The following TRABD2B variants were observed in gnomAD, a reference collection of about 807,000 sequenced individuals.
TRABD2B encodes metalloprotease TIKI2.
TRABD2B carries 14 observed loss-of-function variants against 40.1 expected under a neutral mutation model. The observed-to-expected ratio is 0.35, with a 90% confidence interval of 0.23 to 0.55. The LOEUF (loss-of-function observed/expected upper bound fraction) is 0.55. Among genes scored for constraint, TRABD2B ranks in the 20% least tolerant of loss-of-function variants. The pLI is 0.90. For missense variants in TRABD2B, 541 were observed against 648.6 expected, an observed-to-expected ratio of 0.83 and a Z score of 1.80; for synonymous variants, 263 against 277.0, an observed-to-expected ratio of 0.95 and a Z score of 0.50.
At chr1:47,817,038 A>G (rs1388193461) in intron 2 of TRABD2B, among the ~76,000 whole-genome samples, 1 of 152,114 alleles carries the variant, frequency 6.6e-6, no homozygotes, top group African/African-American at 2.4e-5. Flanking sequence ...CCCAGTACCT[A>G]GTCCAGGACC....
At chr1:47,987,121 C>T (rs765007323) in intron 2 of TRABD2B, among the ~76,000 whole-genome samples, 10 of 152,156 alleles carry the variant, frequency 6.6e-5, no homozygotes, top group Non-Finnish European at 1.2e-4. Flanking sequence ...AACAAAGGCA[C>T]GCTCCCATTT....
chr1:47,932,379 A>G (rs922167221), intron 2 of TRABD2B, among the ~76,000 whole-genome samples: 3 of 152,188 alleles, frequency 2.0e-5, no homozygotes, highest in Non-Finnish European at 4.4e-5. Context: ...TGAGGATGAA[A>G]TAGTGATAAG....
intron 3 of TRABD2B, among the ~76,000 whole-genome samples, chr1:47,794,975 C>T (rs1368499842): frequency 6.6e-6 from 1 of 152,056 alleles, no homozygotes. Flanking sequence ...CACTATGTTG[C>T]CCTGGCTGAT....
chr1:47,841,572 C>T (rs972871006), intron 2 of TRABD2B, among the ~76,000 whole-genome samples: 1 of 152,094 alleles, frequency 6.6e-6, no homozygotes, highest in Non-Finnish European at 1.5e-5. Context: ...GTTACACTGC[C>T]GAGGAGCTCC....
intron 2 of TRABD2B, among the ~76,000 whole-genome samples, chr1:47,803,100 TCAGA>T (rs1644844913): frequency 2.6e-5 from 4 of 152,130 alleles, no homozygotes; most frequent in African/African-American, 9.7e-5. Context: ...ACTTGCAAAC[TCAGA>T]CTTAGCTGTC....
At chr1:47,943,899 C>G (rs1048832685) in intron 2 of TRABD2B, among the ~76,000 whole-genome samples, 1 of 152,146 alleles carries the variant, frequency 6.6e-6, no homozygotes, top group African/African-American at 2.4e-5. Flanking sequence ...ACACCTACTG[C>G]CTGCCAGGCC....
intron 2 of TRABD2B, among the ~76,000 whole-genome samples, chr1:47,866,374 T>A (rs1332708044): frequency 6.6e-6 from 1 of 152,098 alleles, no homozygotes; most frequent in Non-Finnish European, 1.5e-5. Context: ...TCCTGGAAGA[T>A]CAGAGAAGGC....
intron 2 of TRABD2B, among the ~76,000 whole-genome samples, chr1:47,962,826 C>T (rs1439790205): frequency 6.6e-6 from 1 of 152,212 alleles, no homozygotes; most frequent in Admixed American, 6.5e-5. Flanking sequence ...CACACTGATG[C>T]ATTCTGACTC....
chr1:47,798,628 C>T (rs573179476), intron 3 of TRABD2B, among the ~76,000 whole-genome samples: 4 of 152,334 alleles, frequency 2.6e-5, no homozygotes, highest in African/African-American at 9.6e-5. Context: ...TCATCCTCCA[C>T]ATTATAGCCA....
intron 2 of TRABD2B, among the ~76,000 whole-genome samples, chr1:47,975,175 G>C (rs1645738411): frequency 6.6e-6 from 1 of 152,134 alleles, no homozygotes; most frequent in Admixed American, 6.5e-5. Context: ...TGATGTATCA[G>C]GTTCATTCAT....
chr1:47,886,010 T>G (rs1378894118), intron 2 of TRABD2B, among the ~76,000 whole-genome samples: 3 of 152,180 alleles, frequency 2.0e-5, no homozygotes, highest in African/African-American at 7.2e-5. Flanking sequence ...AAGAGAATCT[T>G]TATTTTGTAG....
intron 5 of TRABD2B, among the ~76,000 whole-genome samples, chr1:47,777,874 G>A (rs1038072770): frequency 5.9e-5 from 9 of 152,160 alleles, no homozygotes; most frequent in Non-Finnish European, 1.2e-4. Context: ...CCCTACCCTC[G>A]GGCAGCTCCC....
At chr1:47,881,032 A>G (rs1644296318) in intron 2 of TRABD2B, among the ~76,000 whole-genome samples, 1 of 152,216 alleles carries the variant, frequency 6.6e-6, no homozygotes, top group Admixed American at 6.5e-5. Context: ...CCTGTAGGCC[A>G]TGGAGAGTCA....
Position 47,996,584 on chromosome 1 carries a change from A to C in TRABD2B, c.102+104T>G. 2 of 1,153,956 alleles carry C rather than the reference A, an allele frequency of 1.7e-6. No homozygotes were observed. Among genetic ancestry groups the C allele is most frequent in the Non-Finnish European group, 2.1e-6 (2 of 931,422 alleles). 71.5% of individuals were successfully genotyped at this position (1,153,956 alleles called of 1,614,324 possible). A position where few individuals can be genotyped will look rare whatever the true frequency, so the allele number is the denominator to read the frequency against. ...GGCTGCGCCCGGGGGGTGGAGGTGG[A>C]GCGGGCGGGCTAAGGTGGGTGCGGA... On this transcript the variant is annotated intron_variant, in intron 1 of 6. Transcript: ENST00000606738. The surrounding 1 kb of genome is among the most constrained non-coding windows in gnomAD (Gnocchi z 4.6).
chr1:47,826,573 G>A (rs1645178330), intron 2 of TRABD2B, among the ~76,000 whole-genome samples: 1 of 151,904 alleles, frequency 6.6e-6, no homozygotes. Context: ...CATTTTTTTG[G>A]TGGTGGTTTG....
intron 2 of TRABD2B, among the ~76,000 whole-genome samples, chr1:47,911,736 G>A: frequency 6.6e-6 from 1 of 152,204 alleles, no homozygotes; most frequent in East Asian, 1.9e-4. Flanking sequence ...TGCTTTCTAT[G>A]CTGTCTGTCC....
intron 2 of TRABD2B, among the ~76,000 whole-genome samples, chr1:47,919,516 G>A (rs947754744): frequency 1.1e-4 from 16 of 152,240 alleles, no homozygotes; most frequent in African/African-American, 3.1e-4. Context: ...AAGCAGCTCC[G>A]CTGCTGGTTG....
At chr1:47,872,991 C>T (rs1182943653) in intron 2 of TRABD2B, among the ~76,000 whole-genome samples, 4 of 152,108 alleles carry the variant, frequency 2.6e-5, no homozygotes, top group Non-Finnish European at 2.9e-5. Context: ...ATCAAAGTGC[C>T]GGCAGATTCA....
At chr1:47,971,740 GTT>G (rs1347911291) in intron 2 of TRABD2B, among the ~76,000 whole-genome samples, 2 of 152,184 alleles carry the variant, frequency 1.3e-5, no homozygotes, top group African/African-American at 4.8e-5. Flanking sequence ...AAACAATGAG[GTT>G]TCCACCAAAG....
Sources: gnomAD v4.1 joint callset for allele counts (sites outside exome capture counted in the v4.1 genomes callset) on GRCh38, gnomAD v4.1.1 for gene constraint, Gnocchi (gnomAD v3.1) non-coding constraint, MANE v1.5 for transcripts, NCBI Gene and HGNC (gene_info 2026-07-23, HGNC 2026-07-21) for gene names.